PKP2: variants seen among roughly 807,000 people sequenced by gnomAD.
PKP2 encodes plakophilin 2, also known as plakophilin-2.
Under a neutral mutation model 83.4 loss-of-function variants are expected in PKP2, and 73 were observed. That is an observed-to-expected ratio of 0.88 (90% CI 0.72 to 1.06). PKP2 has a LOEUF of 1.06. Ranked by LOEUF, PKP2 falls within the 50% of genes least tolerant of loss-of-function variation. The pLI, the probability that PKP2 is intolerant of heterozygous loss-of-function variation, is 0.00. For synonymous variants in PKP2, 409 were observed against 430.4 expected, an observed-to-expected ratio of 0.95 and a Z score of 0.62; for missense variants, 966 against 1,065.4, an observed-to-expected ratio of 0.91 and a Z score of 1.30.
chr12:32,816,610 G>A (rs1211816479), intron 9 of PKP2, among the ~76,000 whole-genome samples: 3 of 152,136 alleles, frequency 2.0e-5, no homozygotes, highest in Non-Finnish European at 4.4e-5. Flanking sequence ...ACTCAGTAAT[G>A]GGATTGCTGG....
intron 9 of PKP2, among the ~76,000 whole-genome samples, chr12:32,816,470 T>G (rs1956320718): frequency 1.3e-5 from 2 of 152,204 alleles, no homozygotes; most frequent in Admixed American, 1.3e-4. Flanking sequence ...TACCACATTT[T>G]CTTTATCCAA....
chr12:32,802,418 G>C lies in PKP2; in HGVS notation c.2152C>G (p.Leu718Val). 6.2e-7 allele frequency: 1 copy of C among 1,614,090 alleles called. No individual in the cohort carries two copies. The highest frequency in any genetic ancestry group is 8.5e-7 in the Non-Finnish European group (1 of 1,180,002). The part of the protein sequence containing the change: ...LLRNLSRNLS[L>V]QNEIAKETLP... Reference sequence around the variant, plus strand: ...ACCGACTCACCAATTTCATTCTGCAGAGAAAGATTCCGGGACAGATTCCTC... The same window carrying C: ...ACCGACTCACCAATTTCATTCTGCACAGAAAGATTCCGGGACAGATTCCTC... Residue 718 changes from leucine (L) to valine (V), a missense_variant, in exon 10 of 13, where the codon CTG (leucine) becomes GTG (valine). Coordinates refer to ENST00000340811, the MANE Select transcript of PKP2 (RefSeq NM_001005242.3).
intron 10 of PKP2, 101 bp downstream of exon 10, chr12:32,802,302 T>G (rs1441731628): frequency 1.6e-6 from 2 of 1,229,338 alleles, no homozygotes; most frequent in East Asian, 4.6e-5. Flanking sequence ...TTACTCCCAT[T>G]TCCAGTGCAT....
chr12:32,890,130 G>T (rs1957065644), intron 1 of PKP2, among the ~76,000 whole-genome samples: 1 of 147,350 alleles, frequency 6.8e-6, no homozygotes, highest in Non-Finnish European at 1.5e-5. Context: ...TGGCAAGGTT[G>T]TTTCTATATT....
At chr12:32,797,266 C>T (rs1944262800) in intron 10 of PKP2, among the ~76,000 whole-genome samples, 1 of 151,324 alleles carries the variant, frequency 6.6e-6, no homozygotes, top group African/African-American at 2.4e-5. Context: ...ATGGTGAAAC[C>T]CTGTCTCTAT....
intron 1 of PKP2, among the ~76,000 whole-genome samples, chr12:32,887,469 AT>A (rs1957039723): frequency 6.6e-6 from 1 of 151,988 alleles, no homozygotes; most frequent in African/African-American, 2.4e-5. Flanking sequence ...CACTTTTTTT[AT>A]TGAGATGGAG....
intron 11 of PKP2, 65 bp downstream of exon 11, chr12:32,796,044 A>G: frequency 7.2e-7 from 1 of 1,393,698 alleles, no homozygotes; most frequent in Non-Finnish European, 1.0e-6. Flanking sequence ...TCACAACCGG[A>G]TTATTTACAC....
At chr12:32,844,558 C>T (rs879867059) in intron 5 of PKP2, among the ~76,000 whole-genome samples, 3 of 152,038 alleles carry the variant, frequency 2.0e-5, no homozygotes, top group African/African-American at 7.2e-5. Context: ...AAAACCAGAA[C>T]CGATGAGTGG....
chr12:32,798,375 G>C (rs1008703073), intron 10 of PKP2, among the ~76,000 whole-genome samples: 3 of 151,940 alleles, frequency 2.0e-5, no homozygotes, highest in Admixed American at 6.6e-5. Flanking sequence ...ACAGGCGTGA[G>C]CCACTGCGCC....
intron 4 of PKP2, among the ~76,000 whole-genome samples, chr12:32,853,393 C>T (rs543507226): frequency 2.1e-4 from 16 of 77,046 alleles, no homozygotes; most frequent in East Asian, 1.8e-3. Context: ...TTTCCTTAAA[C>T]GAAAAAAAAA....
chr12:32,853,593 G>A (rs1290705001), intron 4 of PKP2, among the ~76,000 whole-genome samples: 4 of 149,360 alleles, frequency 2.7e-5, no homozygotes, highest in Non-Finnish European at 4.4e-5. Context: ...TGCAATCTCC[G>A]CCCCCTGGGT....
Position 32,821,346 on chromosome 12 carries a change from C to A in PKP2, c.2013+10G>T, listed in dbSNP as rs765490402. The stretch of plus-strand genomic sequence containing the variant: ...ATTTTAAAAAGTAGGAAATCAGGCC[C>A]AATACTCACTGGTCCACTTCCGGCC... On this transcript the variant is annotated intron_variant, in intron 9 of 12. Transcript: ENST00000340811. The A allele has an allele frequency of 6.2e-7, 1 of 1,612,582 alleles. No individual in the cohort carries two copies. The highest frequency in any genetic ancestry group is 1.7e-5 in the Admixed American group (1 of 60,020).
At chr12:32,822,733 G>A in intron 7 of PKP2, 102 bp from the exon 8 acceptor site, 1 of 1,285,620 alleles carries the variant, frequency 7.8e-7, no homozygotes, top group Non-Finnish European at 1.1e-6. Context: ...TTTACCAGAT[G>A]CAACTGGGTG....
chr12:32,831,301 G>C (rs186431642), intron 6 of PKP2, among the ~76,000 whole-genome samples: 4 of 152,198 alleles, frequency 2.6e-5, no homozygotes, highest in African/African-American at 9.6e-5. Flanking sequence ...TTATCCTGAT[G>C]TATCAGCCCA....
At chr12:32,886,396 C>T (rs1454659886) in intron 1 of PKP2, among the ~76,000 whole-genome samples, 1 of 152,078 alleles carries the variant, frequency 6.6e-6, no homozygotes, top group Admixed American at 6.6e-5. Flanking sequence ...TTGAATGGAT[C>T]CTTAAAGTCA....
chr12:32,842,116 G>A (rs1449504309), intron 5 of PKP2, among the ~76,000 whole-genome samples: 4 of 152,296 alleles, frequency 2.6e-5, no homozygotes, highest in Middle Eastern at 3.4e-3. Context: ...TGGCATATAC[G>A]TTTAGGATTT....
At chr12:32,838,955 C>T (rs760191264) in intron 6 of PKP2, among the ~76,000 whole-genome samples, 3 of 152,020 alleles carry the variant, frequency 2.0e-5, no homozygotes, top group Non-Finnish European at 1.5e-5. Flanking sequence ...GGTTTTAAAT[C>T]GTTAGGAGAT....
At chr12:32,837,399 G>GT (rs1357962011) in intron 6 of PKP2, among the ~76,000 whole-genome samples, 1 of 152,156 alleles carries the variant, frequency 6.6e-6, no homozygotes, top group African/African-American at 2.4e-5. Flanking sequence ...AACCTATCTT[G>GT]TAGGGAGTGC....
chr12:32,844,908 G>T (rs180800676), intron 5 of PKP2, among the ~76,000 whole-genome samples: 2 of 152,174 alleles, frequency 1.3e-5, no homozygotes, highest in Admixed American at 1.3e-4. Context: ...AGATGATTCT[G>T]AATAGATGTC....
Sources: allele counts gnomAD v4.1 joint callset (sites outside exome capture counted in the v4.1 genomes callset), GRCh38; gene constraint gnomAD v4.1.1; transcripts MANE v1.5; gene names NCBI Gene and HGNC (gene_info 2026-07-23, HGNC 2026-07-21).